The following CEP85L variants were observed in gnomAD, a reference collection of about 807,000 sequenced individuals.
CEP85L encodes centrosomal protein 85L.
A neutral mutation model predicts 100.3 loss-of-function variants in CEP85L; 60 were observed. That is an observed-to-expected ratio of 0.60 (90% CI 0.49 to 0.74). The LOEUF is 0.74. Ranked by LOEUF, CEP85L falls within the 30% of genes least tolerant of loss-of-function variation. CEP85L has a pLI of 0.00. For synonymous variants in CEP85L, 319 were observed against 322.7 expected (o/e 0.99, Z 0.12); for missense variants, 973 against 936.2 (o/e 1.04, Z -0.51).
chr6:118,560,333 C>T (rs1297324603), intron 3 of CEP85L: 1 of 166,816 alleles, frequency 6.0e-6, no homozygotes, highest in Admixed American at 6.6e-5. Context: ...CACTATATTC[C>T]TACAATAAAG....
intron 1 of CEP85L, among the ~76,000 whole-genome samples, chr6:118,633,824 A>C (rs1774324802): frequency 6.6e-6 from 1 of 152,258 alleles, no homozygotes; most frequent in Non-Finnish European, 1.5e-5. Flanking sequence ...ACTAATGCCT[A>C]ATACAGTAAG....
At chr6:118,639,897 G>C (rs1774751906) in intron 1 of CEP85L, among the ~76,000 whole-genome samples, 2 of 152,262 alleles carry the variant, frequency 1.3e-5, no homozygotes, top group South Asian at 4.1e-4. Context: ...TTGTTTGGTG[G>C]TTGTTGTCTG....
At chr6:118,650,304 A>G (rs1775462900) in intron 1 of CEP85L, among the ~76,000 whole-genome samples, 2 of 152,314 alleles carry the variant, frequency 1.3e-5, no homozygotes, top group Non-Finnish European at 2.9e-5. Context: ...AGTGCCTGGA[A>G]AGACCATCAT....
chr6:118,628,424 G>A (rs887618309), intron 2 of CEP85L, among the ~76,000 whole-genome samples: 1 of 152,130 alleles, frequency 6.6e-6, no homozygotes, highest in Admixed American at 6.5e-5. Context: ...CCTTTGATGG[G>A]ATCATTAGTA....
intron 4 of CEP85L, among the ~76,000 whole-genome samples, chr6:118,513,242 A>G (rs1776073113): frequency 6.6e-6 from 1 of 152,120 alleles, no homozygotes; most frequent in South Asian, 2.1e-4. Context: ...ATCTCTAAAG[A>G]GGAGGTAAGA....
At chr6:118,530,644 T>C (rs886107398) in intron 3 of CEP85L, among the ~76,000 whole-genome samples, 9 of 152,166 alleles carry the variant, frequency 5.9e-5, no homozygotes, top group Admixed American at 3.3e-4. Flanking sequence ...CAAAAGTTAT[T>C]TGATCTGATA....
At chr6:118,622,166 T>G (rs917791974) in intron 2 of CEP85L, among the ~76,000 whole-genome samples, 3 of 152,186 alleles carry the variant, frequency 2.0e-5, no homozygotes, top group African/African-American at 7.2e-5. Flanking sequence ...CATCTTAGTA[T>G]CAGAGACTAT....
chr6:118,572,259 G>A (rs1176671626), intron 2 of CEP85L, among the ~76,000 whole-genome samples: 1 of 108,716 alleles, frequency 9.2e-6, no homozygotes, highest in Non-Finnish European at 1.8e-5. Flanking sequence ...TATGCCACAT[G>A]TAACCCATTC....
At chr6:118,632,709 T>G in intron 1 of CEP85L, 98 bp from the exon 2 acceptor site, 1 of 889,014 alleles carries the variant, frequency 1.1e-6, no homozygotes, top group Non-Finnish European at 1.6e-6. Context: ...ATAAAAGGTA[T>G]AAAAGGTTCT....
chr6:118,585,544 C>G (rs13328242), intron 2 of CEP85L, among the ~76,000 whole-genome samples: 4,406 of 152,236 alleles, frequency 0.029, 108 homozygotes, highest in African/African-American at 0.056. Flanking sequence ...TACTCCCCCA[C>G]AGAAATAGGA....
Position 118,523,924 on chromosome 6 carries a change from C to A in CEP85L, c.1021-4G>T, listed in dbSNP as rs752067036. 2 of 1,412,820 alleles carry A rather than the reference C, an allele frequency of 1.4e-6. No homozygotes were observed. The highest frequency in any genetic ancestry group is 2.3e-5 in the East Asian group (1 of 43,490). 87.5% of individuals were successfully genotyped at this position (1,412,820 alleles called of 1,614,324 possible). A position where few individuals can be genotyped will look rare whatever the true frequency, so the allele number is the denominator to read the frequency against. ...GACGAGATGATCCAGTCAAAACCTGCAGAAACATGTTTACACAATTAGTAT... is the reference window on the plus strand; with the variant it reads ...GACGAGATGATCCAGTCAAAACCTGAAGAAACATGTTTACACAATTAGTAT... On this transcript the variant is annotated splice_polypyrimidine_tract_variant and splice_region_variant and intron_variant, in intron 3 of 12. Transcript: ENST00000368491.
chr6:118,462,292 A>G lies in CEP85L; in HGVS notation c.*3113T>C, dbSNP rs1772272432. 6.6e-6 allele frequency: 1 copy of G among 152,064 alleles called. No individual in the cohort carries two copies. Among genetic ancestry groups the G allele is most frequent in the Non-Finnish European group, 1.5e-5 (1 of 67,914 alleles). The allele number at this position is 152,064 out of a possible 1,614,324, so 9.4% of individuals were successfully genotyped here. A position where few individuals can be genotyped will look rare whatever the true frequency, so the allele number is the denominator to read the frequency against. On this transcript the variant is annotated 3_prime_UTR_variant, in exon 13 of 13. Coordinates refer to ENST00000368491, the MANE Select transcript of CEP85L (RefSeq NM_001042475.3). ...GACCTCAGGAATATCTTACCTAGCC[A>G]GTATTTGTGGTTTTTTGTTTTTGTT...
chr6:118,505,267 C>T (rs1197765679), intron 5 of CEP85L, among the ~76,000 whole-genome samples: 2 of 151,580 alleles, frequency 1.3e-5, no homozygotes, highest in African/African-American at 4.9e-5. Context: ...ATGTTGAAAC[C>T]CCGTCTCTAA....
At chr6:118,532,378 G>A (rs779986990) in intron 3 of CEP85L, among the ~76,000 whole-genome samples, 6 of 151,980 alleles carry the variant, frequency 3.9e-5, no homozygotes, top group Non-Finnish European at 7.4e-5. Context: ...GTGGAAGGAT[G>A]GTGAGGGTAA....
At chr6:118,655,342 T>TG (rs1260614916), upstream of CEP85L, among the ~76,000 whole-genome samples, 3 of 152,214 alleles carry the variant, frequency 2.0e-5, no homozygotes, top group Non-Finnish European at 4.4e-5. Flanking sequence ...GAAGTGGGTG[T>TG]GGGAGGGATA....
At chr6:118,569,368 A>AAAAAG (rs56914205) in intron 2 of CEP85L, among the ~76,000 whole-genome samples, 16 of 140,770 alleles carry the variant, frequency 1.1e-4, no homozygotes, top group African/African-American at 4.1e-4. Context: ...AAAAAAAAAA[A>AAAAAG]GGAGTAAAAT....
upstream of CEP85L, chr6:118,657,132 G>A (rs925173740): frequency 6.6e-6 from 1 of 152,258 alleles, no homozygotes; most frequent in Non-Finnish European, 1.5e-5. Context: ...CTGTGAGGAA[G>A]ATGAAGATTG....
intron 1 of CEP85L, among the ~76,000 whole-genome samples, chr6:118,642,523 CTAAAATAAGGT>C (rs1372059826): frequency 1.3e-5 from 2 of 152,248 alleles, no homozygotes; most frequent in Non-Finnish European, 2.9e-5. Flanking sequence ...TTTCACTCAG[CTAAAATAAGGT>C]TAGCAGCATC....
intron 2 of CEP85L, among the ~76,000 whole-genome samples, chr6:118,630,201 T>C (rs548002057): frequency 9.7e-4 from 147 of 152,304 alleles, no homozygotes; most frequent in African/African-American, 3.4e-3. Context: ...GTGGGTCTCC[T>C]TCATGAATAT....
Sources: allele counts gnomAD v4.1 joint callset (sites outside exome capture counted in the v4.1 genomes callset), GRCh38; gene constraint gnomAD v4.1.1; transcripts MANE v1.5; gene names NCBI Gene and HGNC (gene_info 2026-07-23, HGNC 2026-07-21).